The following PRKG1 variants were observed in gnomAD, a reference collection of about 807,000 sequenced individuals.
PRKG1 encodes cGMP-dependent protein kinase 1.
PRKG1 carries 35 observed loss-of-function variants against 88.1 expected under a neutral mutation model. The ratio of observed to expected loss-of-function variants is 0.40; its 90% CI spans 0.30 to 0.53. The LOEUF (loss-of-function observed/expected upper bound fraction) is 0.53. Among genes scored for constraint, PRKG1 ranks in the 20% least tolerant of loss-of-function variants. The pLI is 0.59. For missense variants in PRKG1, 540 were observed against 839.8 expected, an observed-to-expected ratio of 0.64 and a Z score of 4.41; for synonymous variants, 303 against 292.5, an observed-to-expected ratio of 1.04 and a Z score of -0.37.
intron 5 of PRKG1, among the ~76,000 whole-genome samples, chr10:51,929,397 C>G (rs1014357012): frequency 1.4e-5 from 2 of 139,354 alleles, no homozygotes; most frequent in Non-Finnish European, 3.0e-5. Context: ...GTGGCCCAGG[C>G]TGGAGTACAG....
At chr10:51,333,823 C>T (rs1841800325) in intron 2 of PRKG1, among the ~76,000 whole-genome samples, 1 of 152,148 alleles carries the variant, frequency 6.6e-6, no homozygotes, top group Non-Finnish European at 1.5e-5. Context: ...ACATACCTTT[C>T]TCTATTGATC....
At chr10:51,496,301 A>G (rs1589017169) in intron 3 of PRKG1, among the ~76,000 whole-genome samples, 1 of 152,158 alleles carries the variant, frequency 6.6e-6, no homozygotes, top group African/African-American at 2.4e-5. Context: ...TTAGAGGCAA[A>G]TATCTGATTT....
intron 2 of PRKG1, among the ~76,000 whole-genome samples, chr10:51,400,508 GTATTT>G (rs969419933): frequency 6.6e-6 from 1 of 152,146 alleles, no homozygotes; most frequent in Non-Finnish European, 1.5e-5. Context: ...AAACTCCAGG[GTATTT>G]TAGAGCTCCT....
intron 3 of PRKG1, among the ~76,000 whole-genome samples, chr10:51,589,986 A>C (rs767361281): frequency 3.3e-5 from 5 of 152,194 alleles, no homozygotes. Flanking sequence ...GAAGATCAAT[A>C]GAAGATTTAA....
intron 4 of PRKG1, among the ~76,000 whole-genome samples, chr10:51,807,106 C>G (rs914383330): frequency 6.6e-6 from 1 of 152,144 alleles, no homozygotes; most frequent in African/African-American, 2.4e-5. Context: ...CTGTTTAGAA[C>G]TAGGGTTATT....
chr10:52,181,031 T>G (rs1447475332), intron 9 of PRKG1, among the ~76,000 whole-genome samples: 1 of 152,316 alleles, frequency 6.6e-6, no homozygotes, highest in East Asian at 1.9e-4. Flanking sequence ...AGCCTGGGTG[T>G]GTGTCTATCA....
intron 3 of PRKG1, among the ~76,000 whole-genome samples, chr10:51,532,774 A>T (rs1842050136): frequency 6.6e-6 from 1 of 152,162 alleles, no homozygotes; most frequent in Non-Finnish European, 1.5e-5. Context: ...TGAGTCAGGG[A>T]TATACACTTT....
rs540165442 is a variant in PRKG1, at chr10:51,990,871, C to T, written c.763-63613C>T. On this transcript the variant is annotated intron_variant, in intron 5 of 17. Coordinates refer to ENST00000373980, the MANE Select transcript of PRKG1 (RefSeq NM_006258.4). ...AAGGCATGATGGTCTCCAGCTCCACCCATGTTCCTGCAAAGATATGATCTC... is the reference window on the plus strand; with the variant it reads ...AAGGCATGATGGTCTCCAGCTCCACTCATGTTCCTGCAAAGATATGATCTC... Among the ~76,000 whole-genome samples, 134 of 101,124 alleles carry T rather than the reference C, an allele frequency of 1.3e-3. 3 individuals are homozygous for T. In the South Asian group the frequency reaches 0.019, roughly 15 times the overall value. 66.3% of individuals were successfully genotyped at this position (101,124 alleles called of 152,430 possible).
chr10:51,214,832 T>C (rs982480162), intron 2 of PRKG1, among the ~76,000 whole-genome samples: 1 of 152,168 alleles, frequency 6.6e-6, no homozygotes, highest in Non-Finnish European at 1.5e-5. Context: ...GTTTTTACAA[T>C]CACTTTACAT....
At chr10:52,046,048 T>C (rs1845855310) in intron 5 of PRKG1, among the ~76,000 whole-genome samples, 1 of 152,078 alleles carries the variant, frequency 6.6e-6, no homozygotes, top group South Asian at 2.1e-4. Flanking sequence ...CCACAGGACA[T>C]TAACTAGGGA....
At chr10:51,077,294 T>G (rs1208344118) in intron 1 of PRKG1, among the ~76,000 whole-genome samples, 4 of 152,226 alleles carry the variant, frequency 2.6e-5, no homozygotes, top group South Asian at 4.1e-4. Flanking sequence ...TACTACATCT[T>G]AAATGTAGCC....
At chr10:51,945,511 G>T (rs1843006532) in intron 5 of PRKG1, among the ~76,000 whole-genome samples, 1 of 151,710 alleles carries the variant, frequency 6.6e-6, no homozygotes, top group Non-Finnish European at 1.5e-5. Context: ...ATGTTAGCTG[G>T]TTATTTTGCT....
intron 9 of PRKG1, among the ~76,000 whole-genome samples, chr10:52,199,758 C>T (rs1226869113): frequency 6.6e-6 from 1 of 152,124 alleles, no homozygotes; most frequent in Admixed American, 6.6e-5. Flanking sequence ...AGGGAGATTC[C>T]GCAGGTCCTT....
chr10:52,175,727 T>C (rs1838846678), intron 9 of PRKG1, among the ~76,000 whole-genome samples: 1 of 152,166 alleles, frequency 6.6e-6, no homozygotes, highest in African/African-American at 2.4e-5. Context: ...GGTTTTGATT[T>C]GCACTTCCCT....
At chr10:51,200,251 G>T (rs1414933634) in intron 2 of PRKG1, among the ~76,000 whole-genome samples, 1 of 152,210 alleles carries the variant, frequency 6.6e-6, no homozygotes, top group Non-Finnish European at 1.5e-5. Context: ...TAATATGTGT[G>T]AAAGGAAAGG....
chr10:51,155,243 G>A (rs192324956), intron 2 of PRKG1, among the ~76,000 whole-genome samples: 5 of 152,072 alleles, frequency 3.3e-5, no homozygotes, highest in African/African-American at 4.8e-5. Flanking sequence ...ATTTATTCAT[G>A]TTGTCCCTTC....
chr10:52,249,684 G>A (rs1245359543), intron 9 of PRKG1, among the ~76,000 whole-genome samples: 5 of 152,082 alleles, frequency 3.3e-5, no homozygotes, highest in South Asian at 2.1e-4. Flanking sequence ...TTAGCTGGGC[G>A]TAGTGACGCA....
intron 8 of PRKG1, among the ~76,000 whole-genome samples, chr10:52,150,198 A>C (rs1837874557): frequency 8.1e-6 from 1 of 123,930 alleles, no homozygotes; most frequent in South Asian, 2.9e-4. Flanking sequence ...GATTGGCCAT[A>C]AGGGCAGGAT....
At position 51,963,192 on chromosome 10, in the gene PRKG1, T is replaced by C. The variant is rs557520058; in HGVS notation, c.762+55622T>C. ...GCATACAGCATTCATTAGTATTTACTATTTACTGTGGATGTATTGAAATCA... is the reference window on the plus strand; with the variant it reads ...GCATACAGCATTCATTAGTATTTACCATTTACTGTGGATGTATTGAAATCA... On this transcript the variant is annotated intron_variant, in intron 5 of 17. Coordinates refer to ENST00000373980, the MANE Select transcript of PRKG1 (RefSeq NM_006258.4). Among the ~76,000 whole-genome samples, 9 of 152,314 alleles carry C rather than the reference T, an allele frequency of 5.9e-5. No homozygotes were observed. The South Asian group carries it at 1.9e-3, about 32-fold the overall frequency.
Sources: gnomAD v4.1 joint callset for allele counts (sites outside exome capture counted in the v4.1 genomes callset) on GRCh38, gnomAD v4.1.1 for gene constraint, MANE v1.5 for transcripts, NCBI Gene and HGNC (gene_info 2026-07-23, HGNC 2026-07-21) for gene names.